Variants in GPR143 observed in about 807,000 individuals in gnomAD.
GPR143 encodes the protein G-protein coupled receptor 143.
Under a neutral mutation model 27.6 loss-of-function variants are expected in GPR143, and 8 were observed. The ratio of observed to expected loss-of-function variants is 0.29; its 90% confidence interval spans 0.17 to 0.52. The LOEUF is 0.52. Among genes scored for constraint, GPR143 ranks in the 20% least tolerant of loss-of-function variants. The pLI is 0.96. For missense variants in GPR143, 303 were observed against 343.1 expected (o/e 0.88, Z 0.92); for synonymous variants, 156 against 153.2 (o/e 1.02, Z -0.13).
At chrX:9,735,301 C>T (rs1218704514) in intron 8 of GPR143, among the ~76,000 whole-genome samples, 1 of 111,791 alleles carries the variant, frequency 8.9e-6, no homozygotes, top group Admixed American at 9.5e-5. Context: ...TCTTTATAAA[C>T]CCTTCACCAC....
intron 3 of GPR143, among the ~76,000 whole-genome samples, chrX:9,756,830 C>A (rs1421683415): frequency 8.9e-6 from 1 of 112,386 alleles, no homozygotes; most frequent in Non-Finnish European, 1.9e-5. Context: ...AGTTTCTTAC[C>A]TGGTTATACC....
At chrX:9,730,839 G>T (rs747423108) in intron 8 of GPR143, among the ~76,000 whole-genome samples, 2 of 111,912 alleles carry the variant, frequency 1.8e-5, no homozygotes, top group African/African-American at 6.5e-5. Context: ...TTCCAGAAAA[G>T]GGTCTGTCCC....
chrX:9,756,245 G>A, intron 3 of GPR143, among the ~76,000 whole-genome samples: 1 of 112,168 alleles, frequency 8.9e-6, no homozygotes, highest in South Asian at 3.7e-4. Context: ...AGTCACCTGT[G>A]CACAAAAATT....
chrX:9,728,434 G>A (rs756976939), intron 8 of GPR143, among the ~76,000 whole-genome samples: 1 of 107,153 alleles, frequency 9.3e-6, no homozygotes, highest in South Asian at 4.2e-4. Flanking sequence ...ATAGAAAAGA[G>A]GAAGTGAGAA....
At chrX:9,760,960 AGGG>A in intron 1 of GPR143, 134 bp from the exon 2 acceptor site, 1 of 424,381 alleles carries the variant, frequency 2.4e-6, no homozygotes, top group Non-Finnish European at 4.3e-6. Context: ...GAAGGAAAGG[AGGG>A]AGGGAGAGAG....
intron 1 of GPR143, among the ~76,000 whole-genome samples, chrX:9,775,329 A>G (rs943085468): frequency 8.9e-6 from 1 of 112,189 alleles, no homozygotes; most frequent in African/African-American, 3.2e-5. Context: ...CAACAGGCAG[A>G]TAACGATTCT....
chrX:9,765,755 C>T lies in GPR143; in HGVS notation c.63G>A (p.Val21=). The T allele has an allele frequency of 8.9e-7, 1 of 1,124,998 alleles. No homozygotes were observed. Among genetic ancestry groups the T allele is most frequent in the African/African-American group, 1.9e-5 (1 of 53,363 alleles). The allele number at this position is 1,124,998 out of a possible 1,213,427, so 92.7% of individuals were successfully genotyped here. A position where few individuals can be genotyped will look rare whatever the true frequency, so the allele number is the denominator to read the frequency against. ...CPTRDAATQL[V]LSFQPRAFHA... is the part of the protein sequence containing the mutation. Reference sequence around the variant, plus strand: ...GGAAGGCCCGCGGCTGGAAGCTCAGCACGAGCTGCGTGGCTGCGTCCCGCG... The same window carrying T: ...GGAAGGCCCGCGGCTGGAAGCTCAGTACGAGCTGCGTGGCTGCGTCCCGCG... The change falls in exon 1 of 9, where the codon GTG becomes GTA. Residue 21 remains valine, a synonymous_variant. Transcript: ENST00000467482.
intron 1 of GPR143, among the ~76,000 whole-genome samples, chrX:9,772,180 G>A (rs1174785559): frequency 8.9e-6 from 1 of 111,943 alleles, no homozygotes; most frequent in Non-Finnish European, 1.9e-5. Flanking sequence ...AGGACTGAGA[G>A]AGGCAAATAC....
At chrX:9,750,164 G>T (rs1372480414) in intron 3 of GPR143, among the ~76,000 whole-genome samples, 1 of 112,478 alleles carries the variant, frequency 8.9e-6, no homozygotes, top group African/African-American at 3.2e-5. Flanking sequence ...TTTGTCTACT[G>T]TGAGTAGGGC....
chrX:9,739,615 T>C lies in GPR143; in HGVS notation c.990A>G (p.Glu330=). 5 of 1,204,513 alleles carry C rather than the reference T, an allele frequency of 4.2e-6. No individual in the cohort carries two copies. In the South Asian group the frequency reaches 5.4e-5, roughly 13 times the overall value. ...FQSPRKEIQW[E]SLTTSAAEGA... is the part of the protein sequence containing the mutation. Reference sequence around the variant, plus strand: ...CCTCAGCAGCCGAGGTGGTCAGTGATTCCCACTGGATCTCCTTCCTGGGAG... The same window carrying C: ...CCTCAGCAGCCGAGGTGGTCAGTGACTCCCACTGGATCTCCTTCCTGGGAG... Residue 330 remains glutamate, a synonymous_variant, in exon 8 of 9, where the codon GAA becomes GAG. Coordinates refer to ENST00000467482, the MANE Select transcript of GPR143 (RefSeq NM_000273.3).
intron 8 of GPR143, among the ~76,000 whole-genome samples, chrX:9,731,857 G>A (rs2083355799): frequency 9.1e-6 from 1 of 109,377 alleles, no homozygotes; most frequent in African/African-American, 3.3e-5. Context: ...ACTGTGCCAG[G>A]CACAAAGGAT....
At chrX:9,769,167 A>AG (rs2083545083), upstream of GPR143, among the ~76,000 whole-genome samples, 1 of 111,847 alleles carries the variant, frequency 8.9e-6, no homozygotes, top group Non-Finnish European at 1.9e-5. Flanking sequence ...ATGAAGGTAC[A>AG]TCTGTTTTTG....
chrX:9,746,030 T>G lies in GPR143; in HGVS notation c.658+14A>C. On this transcript the variant is annotated intron_variant, in intron 5 of 8. Transcript: ENST00000467482. ...CCAGTGGCCGTGTACCCAGAGAGCT[T>G]CCCTAGTATTTACCTGCAGTCACTG... 9.5e-7 allele frequency: 1 copy of G among 1,056,434 alleles called. No homozygotes were observed. The allele number at this position is 1,056,434 out of a possible 1,213,427, so 87.1% of individuals were successfully genotyped here. A position where few individuals can be genotyped will look rare whatever the true frequency, so the allele number is the denominator to read the frequency against.
chrX:9,772,587 T>C (rs748525018), intron 1 of GPR143, among the ~76,000 whole-genome samples: 4 of 110,587 alleles, frequency 3.6e-5, no homozygotes, highest in South Asian at 3.9e-4. Context: ...GGTGGGAGGA[T>C]TGCTTGAGCT....
chrX:9,764,543 CAG>C (rs1479073966), intron 1 of GPR143, among the ~76,000 whole-genome samples: 147 of 96,200 alleles, frequency 1.5e-3, no homozygotes, highest in African/African-American at 5.2e-3. Flanking sequence ...CACACACACA[CAG>C]AGCGAGACAG....
At position 9,760,780 on chromosome X, in the gene GPR143, A is replaced by G. The variant is rs1309150086; in HGVS notation, c.297T>C (p.Val99=). 8.4e-7 allele frequency: 1 copy of G among 1,196,336 alleles called. No homozygotes were observed. The highest frequency in any genetic ancestry group is 1.1e-6 in the Non-Finnish European group (1 of 884,172). ...STVWLGFPNF[V]DSVSDMNHTE... ...TGTGGTTCATATCCGAGACGCTGTC[A>G]ACAAAATTTGGGAATCCTAACCACA... The change falls in exon 2 of 9, where the codon GTT becomes GTC. Residue 99 remains valine (V), a synonymous_variant. Coordinates refer to ENST00000467482, the MANE Select transcript of GPR143 (RefSeq NM_000273.3).
chrX:9,770,434 C>T (rs1244215042), upstream of GPR143, among the ~76,000 whole-genome samples: 1 of 109,820 alleles, frequency 9.1e-6, no homozygotes, highest in African/African-American at 3.3e-5. Flanking sequence ...GGCAAAGGGC[C>T]ATAGGCTGCA....
Position 9,771,709 on chromosome X carries a change from C to CTTTTTTTTTT in GPR143, c.-2-10884_-2-10883insAAAAAAAAAA, listed in dbSNP as rs752477509. Among the ~76,000 whole-genome samples the CTTTTTTTTTT allele has an allele frequency of 8.6e-5, 8 of 92,817 alleles. 3 individuals are homozygous for CTTTTTTTTTT. The highest frequency in any genetic ancestry group is 4.2e-5 in the Non-Finnish European group (2 of 48,098). 80.6% of individuals were successfully genotyped at this position (92,817 alleles called of 115,157 possible). A position where few individuals can be genotyped will look rare whatever the true frequency, so the allele number is the denominator to read the frequency against. ...CCAACTAAGCCATGGAGCATTCTCT[C>CTTTTTTTTTT]TCTTTTTTTTTTTTTTTTGGATGGA... On this transcript the variant is annotated intron_variant, in intron 1 of 7. Transcript: ENST00000447366.
At chrX:9,739,291 T>C (rs2083391646) in intron 8 of GPR143, among the ~76,000 whole-genome samples, 194 bp downstream of exon 8, 2 of 111,407 alleles carry the variant, frequency 1.8e-5, no homozygotes, top group South Asian at 7.5e-4. Context: ...CAGGAGACAT[T>C]TGTCAATGTC....
Sources: allele counts gnomAD v4.1 joint callset (sites outside exome capture counted in the v4.1 genomes callset), GRCh38; gene constraint gnomAD v4.1.1; transcripts MANE v1.5; gene names NCBI Gene and HGNC (gene_info 2026-07-23, HGNC 2026-07-21).